Variants in SPATA18 observed in about 807,000 individuals in gnomAD.
The protein encoded by SPATA18 is mitochondria-eating protein.
In SPATA18, 54 loss-of-function variants were observed where a neutral mutation model predicts 68.1. That is an observed-to-expected ratio of 0.79 (90% CI 0.64 to 0.99). The LOEUF is 0.99. SPATA18 is among the 50% of genes least tolerant of loss of function. SPATA18 has a pLI of 0.00. For missense variants in SPATA18, 724 were observed against 681.1 expected (o/e 1.06, Z -0.70); for synonymous variants, 242 against 244.8 (o/e 0.99, Z 0.11).
intron 10 of SPATA18, chr4:52,082,954 G>T: frequency 1.0e-6 from 1 of 985,400 alleles, no homozygotes; most frequent in Non-Finnish European, 1.2e-6. Context: ...GGTATGATGT[G>T]TATGGAGGGG....
chr4:52,084,439 T>TA, intron 10 of SPATA18, among the ~76,000 whole-genome samples: 1 of 152,300 alleles, frequency 6.6e-6, no homozygotes, highest in South Asian at 2.1e-4. Flanking sequence ...GCTTTCTTCT[T>TA]ATTCATTTAG....
chr4:52,093,731 A>G (rs1208376177), intron 11 of SPATA18, among the ~76,000 whole-genome samples: 1 of 152,196 alleles, frequency 6.6e-6, no homozygotes, highest in Non-Finnish European at 1.5e-5. Context: ...TTCATGGGCA[A>G]TGTCCTCTGT....
chr4:52,060,838 G>A lies in SPATA18; in HGVS notation c.250G>A (p.Ala84Thr). ...IKSRLLPWLE[A>T]SFTAASLGKS... The stretch of plus-strand genomic sequence containing the variant: ...GTCACGCCTTTTGCCTTGGCTGGAG[G>A]CTTCCTTTACTGCTGCTTCCCTGGG... Residue 84 changes from alanine (A) to threonine (T), a missense_variant, in exon 3 of 13, where the codon GCT becomes ACT. By Grantham distance (58) the Ala-to-Thr change is moderately conservative. Transcript: ENST00000295213. 6.2e-7 allele frequency: 1 copy of A among 1,614,024 alleles called. No homozygotes were observed. Among genetic ancestry groups the A allele is most frequent in the Non-Finnish European group, 8.5e-7 (1 of 1,179,954 alleles).
intron 9 of SPATA18, among the ~76,000 whole-genome samples, chr4:52,080,379 C>G (rs1461283479): frequency 2.6e-5 from 4 of 152,180 alleles, no homozygotes; most frequent in Non-Finnish European, 4.4e-5. Flanking sequence ...AACAAGCACC[C>G]AGGTGTTCCT....
intron 1 of SPATA18, among the ~76,000 whole-genome samples, chr4:52,052,694 A>G (rs1738005648): frequency 6.6e-6 from 1 of 152,200 alleles, no homozygotes; most frequent in Non-Finnish European, 1.5e-5. Context: ...TGGTCTTAGT[A>G]CCTCATCTGT....
At chr4:52,071,895 G>A in intron 5 of SPATA18, 22 bp from the exon 6 acceptor site, 1 of 1,609,442 alleles carries the variant, frequency 6.2e-7, no homozygotes, top group Non-Finnish European at 8.5e-7. Context: ...CCCTTCCTCT[G>A]CCCTCTCTCT....
intron 7 of SPATA18, chr4:52,078,351 G>A (rs1740590079): frequency 6.4e-6 from 1 of 156,358 alleles, no homozygotes; most frequent in African/African-American, 2.4e-5. Context: ...CAGGACACAT[G>A]TCTGAGTCTG....
chr4:52,087,674 CT>C (rs1413489824), intron 11 of SPATA18, among the ~76,000 whole-genome samples: 2 of 152,178 alleles, frequency 1.3e-5, no homozygotes, highest in East Asian at 3.9e-4. Flanking sequence ...TTACTCTAGC[CT>C]TGTAGTATAG....
chr4:52,051,623 C>A lies in SPATA18; in HGVS notation c.-82C>A. 7.7e-7 allele frequency: 1 copy of A among 1,299,454 alleles called. No homozygotes were observed. The highest frequency in any genetic ancestry group is 1.5e-5 in the African/African-American group (1 of 68,786). The allele number at this position is 1,299,454 out of a possible 1,614,324, so 80.5% of individuals were successfully genotyped here. On this transcript the variant is annotated 5_prime_UTR_variant, in exon 1 of 13. Transcript: ENST00000295213. ...GAAGAGAACACCCTTCCCGCCATAT[C>A]ACCCCACGGTCCTGCGGAGGCCACC...
In SPATA18 at chr4:52,051,556, G is replaced by T. The variant is rs1270186841; in HGVS notation, c.-149G>T. ...TCCCGAACCCGGCCAGGTCCGACCCGAGGGGGAGGATGGAAACACCTGCCG... is the reference window on the plus strand; with the variant it reads ...TCCCGAACCCGGCCAGGTCCGACCCTAGGGGGAGGATGGAAACACCTGCCG... On this transcript the variant is annotated 5_prime_UTR_variant, in exon 1 of 13. Coordinates refer to ENST00000295213, the MANE Select transcript of SPATA18 (RefSeq NM_145263.4). The T allele has an allele frequency of 1.3e-6, 1 of 767,156 alleles. No individual in the cohort carries two copies. Among genetic ancestry groups the T allele is most frequent in the African/African-American group, 1.7e-5 (1 of 58,102 alleles). The allele number at this position is 767,156 out of a possible 1,614,324, so 47.5% of individuals were successfully genotyped here.
chr4:52,085,765 C>T (rs1271475102), intron 11 of SPATA18, among the ~76,000 whole-genome samples: 1 of 151,878 alleles, frequency 6.6e-6, no homozygotes. Flanking sequence ...CCAAATTAGC[C>T]AGGCATGGTG....
rs780485454 is a variant in SPATA18, at chr4:52,094,899, C to T, written c.*12C>T. 4 of 1,614,072 alleles carry T rather than the reference C, an allele frequency of 2.5e-6. No individual in the cohort carries two copies. Among genetic ancestry groups the T allele is most frequent in the Non-Finnish European group, 3.4e-6 (4 of 1,179,966 alleles). On this transcript the variant is annotated 3_prime_UTR_variant, in exon 13 of 13. Transcript: ENST00000295213. The stretch of plus-strand genomic sequence containing the variant: ...CCCTAGGATTTTAAAAGCACCAGAC[C>T]TGCTCCTTTGACCCAGTGCGTGGAA...
chr4:52,089,527 C>A (rs1350878005), intron 11 of SPATA18, among the ~76,000 whole-genome samples: 1 of 152,174 alleles, frequency 6.6e-6, no homozygotes, highest in Non-Finnish European at 1.5e-5. Context: ...TTTCTGCCTT[C>A]ATTTCGTTAT....
intron 10 of SPATA18, among the ~76,000 whole-genome samples, chr4:52,083,812 C>T (rs955339907): frequency 1.1e-4 from 17 of 149,430 alleles, no homozygotes; most frequent in Non-Finnish European, 1.9e-4. Flanking sequence ...ACGATCTCAG[C>T]TCACTGCAAC....
chr4:52,060,131 T>C (rs950382880), intron 1 of SPATA18, among the ~76,000 whole-genome samples: 3 of 152,204 alleles, frequency 2.0e-5, no homozygotes, highest in Non-Finnish European at 4.4e-5. Flanking sequence ...GAAAAAAAAG[T>C]CATTCAAGAG....
chr4:52,052,313 G>T (rs1389549281), intron 1 of SPATA18, among the ~76,000 whole-genome samples: 1 of 152,214 alleles, frequency 6.6e-6, no homozygotes, highest in Non-Finnish European at 1.5e-5. Flanking sequence ...AACGTTGCGG[G>T]TTTCACTTGC....
Position 52,064,896 on chromosome 4 carries a change from T to A in SPATA18, c.422+2564T>A, listed in dbSNP as rs1369466764. ...CTAGTTTACATTCCTACCAGCTGCA[T>A]AAAAGTGTTCCCTTTTCTCCACATT... On this transcript the variant is annotated intron_variant, in intron 4 of 12. Transcript: ENST00000295213. Among the ~76,000 whole-genome samples, 5 of 152,246 alleles carry A rather than the reference T, an allele frequency of 3.3e-5. No individual in the cohort carries two copies. The East Asian group carries it at 9.6e-4, about 29-fold the overall frequency.
intron 6 of SPATA18, among the ~76,000 whole-genome samples, chr4:52,075,038 C>T (rs745517013): frequency 1.2e-4 from 19 of 152,150 alleles, no homozygotes; most frequent in Non-Finnish European, 2.6e-4. Flanking sequence ...TTCCCCTTGT[C>T]CTTGTTCTGC....
intron 10 of SPATA18, 111 bp from the exon 11 acceptor site, chr4:52,084,805 T>G (rs1428934528): frequency 9.9e-7 from 1 of 1,005,682 alleles, no homozygotes; most frequent in East Asian, 2.6e-5. Context: ...AATGGGCAAG[T>G]GTAATCACAT....
Sources: gnomAD v4.1 joint callset for allele counts (sites outside exome capture counted in the v4.1 genomes callset) on GRCh38, gnomAD v4.1.1 for gene constraint, MANE v1.5 for transcripts, NCBI Gene and HGNC (gene_info 2026-07-23, HGNC 2026-07-21) for gene names.